Variants in ADAMTS17 observed in about 807,000 individuals in gnomAD.
The protein encoded by ADAMTS17 is ADAM metallopeptidase with thrombospondin type 1 motif 17, also known as A disintegrin and metalloproteinase with thrombospondin motifs 17.
In ADAMTS17, 113 loss-of-function variants were observed where a neutral mutation model predicts 141.5. That is an observed-to-expected ratio of 0.80 (90% CI 0.69 to 0.93). The LOEUF (loss-of-function observed/expected upper bound fraction) is 0.93, where lower values mean the gene tolerates loss of function less well. Among genes scored for constraint, ADAMTS17 ranks in the 40% least tolerant of loss-of-function variants. The pLI is 0.00. For missense variants in ADAMTS17, 1,659 were observed against 1,517.9 expected, an observed-to-expected ratio of 1.09 and a Z score of -1.54; for synonymous variants, 768 against 630.6, an observed-to-expected ratio of 1.22 and a Z score of -3.27.
At position 100,155,302 on chromosome 15, in the gene ADAMTS17, G is replaced by A. The variant is rs753792500; in HGVS notation, c.1200C>T (p.Asp400=). 6.8e-5 allele frequency: 110 copies of A among 1,613,790 alleles called. No homozygotes were observed. The highest frequency in any genetic ancestry group is 4.0e-4 in the Admixed American group (24 of 59,964). The stretch of plus-strand genomic sequence containing the variant: ...TGCCAGCGCAAGATGAGTGGTCATC[G>A]TCGTGGTTCATGCCCAAGCTGTCCA... ...ELGHNLGMNH[D]DDHSSCAGRS... The change falls in exon 9 of 22, where the codon GAC becomes GAT. Residue 400 remains aspartate, a synonymous_variant. Coordinates refer to ENST00000268070, the MANE Select transcript of ADAMTS17 (RefSeq NM_139057.4).
chr15:100,060,875 G>C (rs538865187), intron 15 of ADAMTS17, among the ~76,000 whole-genome samples: 122 of 152,320 alleles, frequency 8.0e-4, no homozygotes, highest in Admixed American at 1.4e-3. Flanking sequence ...AAGTTACACT[G>C]GGTTGACTTC....
At chr15:100,115,102 T>C (rs2199932) in intron 13 of ADAMTS17, among the ~76,000 whole-genome samples, 80,701 of 152,022 alleles carry the variant, frequency 0.53, 23,418 homozygotes, top group African/African-American at 0.76. Context: ...GGTCTAAAAG[T>C]ATCTTTATCT....
intron 15 of ADAMTS17, among the ~76,000 whole-genome samples, chr15:100,064,429 G>A (rs4965573): frequency 0.83 from 125,923 of 152,134 alleles, 52,425 homozygotes; most frequent in East Asian, 0.95. Context: ...CTGGTATTCT[G>A]CGAGAATGGC....
At chr15:100,310,094 T>G (rs1171382284) in intron 3 of ADAMTS17, among the ~76,000 whole-genome samples, 1 of 152,118 alleles carries the variant, frequency 6.6e-6, no homozygotes, top group Non-Finnish European at 1.5e-5. Context: ...CTTTTCAAAC[T>G]CAGAGGCGAG....
chr15:100,187,556 A>G (rs1177496732), intron 8 of ADAMTS17, among the ~76,000 whole-genome samples: 1 of 151,796 alleles, frequency 6.6e-6, no homozygotes, highest in African/African-American at 2.4e-5. Context: ...TTTACTCTGA[A>G]CCCCCAGATT....
At chr15:100,008,362 C>T (rs1029205784) in intron 18 of ADAMTS17, among the ~76,000 whole-genome samples, 5 of 152,130 alleles carry the variant, frequency 3.3e-5, no homozygotes, top group African/African-American at 7.2e-5. Context: ...TAGAAGCAGC[C>T]ACTGAGAACA....
At chr15:100,331,384 C>A (rs1026890308) in intron 2 of ADAMTS17, among the ~76,000 whole-genome samples, 2 of 152,118 alleles carry the variant, frequency 1.3e-5, no homozygotes, top group Non-Finnish European at 2.9e-5. Flanking sequence ...CAAAAATCAT[C>A]CCCCCAAAAG....
Position 100,285,789 on chromosome 15 carries a change from G to C in ADAMTS17, c.617-4388C>G, listed in dbSNP as rs560423918. 1.9e-3 allele frequency among the ~76,000 whole-genome samples: 284 copies of C among 152,302 alleles called. 5 individuals are homozygous for C. The highest frequency in any genetic ancestry group is 8.4e-4 in the Non-Finnish European group (57 of 68,026). On this transcript the variant is annotated intron_variant, in intron 3 of 21. Transcript: ENST00000268070. ...TGTGGAGCCCAGAGGGTTTTGCGTG[G>C]GAACAGGTACAGTGGAGCATGGCCA...
chr15:100,093,100 C>G (rs1387112394), intron 15 of ADAMTS17, among the ~76,000 whole-genome samples: 1 of 152,170 alleles, frequency 6.6e-6, no homozygotes, highest in Non-Finnish European at 1.5e-5. Context: ...AGATAAGTAG[C>G]TGAGGACCTC....
chr15:100,116,042 T>C (rs1347689655), intron 13 of ADAMTS17, among the ~76,000 whole-genome samples: 1 of 151,478 alleles, frequency 6.6e-6, no homozygotes, highest in East Asian at 2.0e-4. Context: ...TAGAGCTAAC[T>C]TGTGTCTTGT....
chr15:100,244,954 G>A (rs1037731247), intron 7 of ADAMTS17, among the ~76,000 whole-genome samples: 1 of 152,034 alleles, frequency 6.6e-6, no homozygotes, highest in Non-Finnish European at 1.5e-5. Flanking sequence ...GGCTTTGTTG[G>A]TTTGTTTCTA....
intron 3 of ADAMTS17, among the ~76,000 whole-genome samples, chr15:100,299,383 C>T (rs1188921094): frequency 1.3e-5 from 2 of 151,754 alleles, no homozygotes; most frequent in Non-Finnish European, 2.9e-5. Flanking sequence ...TTCAGCAAAT[C>T]CGCAAAAAAC....
chr15:100,271,837 T>C (rs2043924181), intron 4 of ADAMTS17, among the ~76,000 whole-genome samples: 1 of 152,208 alleles, frequency 6.6e-6, no homozygotes, highest in African/African-American at 2.4e-5. Context: ...TTCCGTTTTT[T>C]CTTCTAAGAG....
chr15:100,077,283 C>CAAAAAAAA (rs71151934), intron 15 of ADAMTS17, among the ~76,000 whole-genome samples: 3 of 54,606 alleles, frequency 5.5e-5, no homozygotes, highest in Non-Finnish European at 6.6e-5. Context: ...ATCTCTACCA[C>CAAAAAAAA]AAAAAAAAAA....
chr15:100,086,343 A>G (rs1049731124), intron 15 of ADAMTS17, among the ~76,000 whole-genome samples: 2 of 150,712 alleles, frequency 1.3e-5, no homozygotes, highest in Non-Finnish European at 2.9e-5. Context: ...CCAGATTCAT[A>G]AAGCAAGTCC....
intron 3 of ADAMTS17, chr15:100,305,883 C>T (rs1019314395): frequency 6.6e-6 from 1 of 152,264 alleles, no homozygotes; most frequent in Non-Finnish European, 1.5e-5. Context: ...AAACTCATCA[C>T]ATTGTACATT....
At chr15:100,166,131 A>G (rs753328846) in intron 8 of ADAMTS17, among the ~76,000 whole-genome samples, 8 of 152,194 alleles carry the variant, frequency 5.3e-5, no homozygotes, top group Non-Finnish European at 1.0e-4. Context: ...AGTTTGCATC[A>G]TGACGGTCTT....
intron 18 of ADAMTS17, among the ~76,000 whole-genome samples, chr15:100,038,069 G>T (rs964007697): frequency 6.6e-6 from 1 of 152,180 alleles, no homozygotes; most frequent in African/African-American, 2.4e-5. Context: ...ACCTCCAACT[G>T]CATTCTCTTG....
At position 99,993,424 on chromosome 15, in the gene ADAMTS17, G is replaced by T. The variant is rs1203422619; in HGVS notation, c.2797-224C>A. Among the ~76,000 whole-genome samples the T allele has an allele frequency of 1.3e-5, 2 of 152,222 alleles. No individual in the cohort carries two copies. The highest frequency in any genetic ancestry group is 4.8e-5 in the African/African-American group (2 of 41,456). On this transcript the variant is annotated intron_variant, in intron 19 of 21. Coordinates refer to ENST00000268070, the MANE Select transcript of ADAMTS17 (RefSeq NM_139057.4). This position sits in a 1 kb window ranked among gnomAD's most constrained non-coding sequence, Gnocchi z 4.3. ...TGTTGTGGAAGGGACCTAGGAATCA[G>T]GAGTGGGAAGAACCTGGGGTACTCA...
Sources: allele counts gnomAD v4.1 joint callset (sites outside exome capture counted in the v4.1 genomes callset), GRCh38; gene constraint gnomAD v4.1.1; non-coding constraint Gnocchi (gnomAD v3.1); transcripts MANE v1.5; gene names NCBI Gene and HGNC (gene_info 2026-07-23, HGNC 2026-07-21).